Variants in TOMM20L observed in about 807,000 individuals in gnomAD.
TOMM20L encodes translocase of outer mitochondrial membrane 20 like.
Under a neutral mutation model 20.4 loss-of-function variants are expected in TOMM20L, and 19 were observed. The ratio of observed to expected loss-of-function variants is 0.93; its 90% CI spans 0.65 to 1.36. The LOEUF (loss-of-function observed/expected upper bound fraction) is 1.36, where lower values mean the gene tolerates loss of function less well. TOMM20L is among the 40% of genes most tolerant of loss of function. The pLI is 0.00. For synonymous variants in TOMM20L, 75 were observed against 79.6 expected (o/e 0.94, Z 0.30); for missense variants, 218 against 203.7 (o/e 1.07, Z -0.43).
chr14:58,408,444 G>T, intron 4 of TOMM20L, 85 bp from the exon 5 acceptor site: 58 of 1,139,412 alleles, frequency 5.1e-5, no homozygotes, highest in Non-Finnish European at 7.1e-5. Flanking sequence ...AAAAGTATAT[G>T]TAATGCCCAC....
chr14:58,395,934 G>C lies in TOMM20L; in HGVS notation c.-24G>C, dbSNP rs747745137. On this transcript the variant is annotated 5_prime_UTR_variant, in exon 1 of 5. Coordinates refer to ENST00000360945, the MANE Select transcript of TOMM20L (RefSeq NM_207377.3). ...GCCGGCCGGCCCGCGCCCAACGCTC[G>C]GCTTGTGGGACGCCCGCGGTCGGAT... is the stretch of plus-strand genomic sequence containing the variant. The C allele has an allele frequency of 3.8e-6, 5 of 1,328,100 alleles. No homozygotes were observed. Among genetic ancestry groups the C allele is most frequent in the African/African-American group, 3.1e-5 (2 of 65,302 alleles). The allele number at this position is 1,328,100 out of a possible 1,614,324, so 82.3% of individuals were successfully genotyped here.
intron 2 of TOMM20L, among the ~76,000 whole-genome samples, chr14:58,400,400 C>T (rs1594996197): frequency 8.4e-6 from 1 of 119,086 alleles, no homozygotes; most frequent in African/African-American, 3.3e-5. Context: ...CCAGCCTGGG[C>T]AACAGAGTGA....
chr14:58,396,106 G>C lies in TOMM20L; in HGVS notation c.136+13G>C. ...CGCCTGCGGGACAGTGAGTGGGACC[G>C]AGGCGGAGGCGCGGCCGGGCCGGGC... On this transcript the variant is annotated intron_variant, in intron 1 of 4. Transcript: ENST00000360945. 1 of 1,324,004 alleles carries C rather than the reference G, an allele frequency of 7.6e-7. No homozygotes were observed. Among genetic ancestry groups the C allele is most frequent in the Non-Finnish European group, 9.6e-7 (1 of 1,036,464 alleles). The allele number at this position is 1,324,004 out of a possible 1,614,324, so 82.0% of individuals were successfully genotyped here.
chr14:58,411,429 C>T (rs2036211548), downstream of TOMM20L, among the ~76,000 whole-genome samples: 1 of 147,038 alleles, frequency 6.8e-6, no homozygotes, highest in Middle Eastern at 3.6e-3. Context: ...GCCTGGCCGA[C>T]AAAGAGAGAC....
intron 3 of TOMM20L, 91 bp downstream of exon 3, chr14:58,402,852 G>A: frequency 1.0e-6 from 1 of 976,314 alleles, no homozygotes; most frequent in Non-Finnish European, 1.6e-6. Context: ...TAACTAGCTG[G>A]ATGTGTTAGC....
downstream of TOMM20L, chr14:58,411,004 T>C: frequency 9.2e-7 from 1 of 1,091,416 alleles, no homozygotes; most frequent in Non-Finnish European, 1.4e-6. Flanking sequence ...GAAACTTAAA[T>C]TACTGGTATT....
chr14:58,404,987 A>C, intron 3 of TOMM20L, among the ~76,000 whole-genome samples: 1 of 135,274 alleles, frequency 7.4e-6, no homozygotes, highest in South Asian at 2.3e-4. Context: ...TTTTTTTTTG[A>C]GATGGAGTTT....
Position 58,402,406 on chromosome 14 carries a change from G to A in TOMM20L, c.181-274G>A, listed in dbSNP as rs543571726. ...CAGGTTCAAGCAATTCTCCTGCCTC[G>A]GCCTCCTGAGTAGCTGGGATTACAG... is the stretch of plus-strand genomic sequence containing the variant. On this transcript the variant is annotated intron_variant, in intron 2 of 4. Coordinates refer to ENST00000360945, the MANE Select transcript of TOMM20L (RefSeq NM_207377.3). 1.8e-4 allele frequency among the ~76,000 whole-genome samples: 28 copies of A among 151,524 alleles called. No homozygotes were observed. In the South Asian group the frequency reaches 2.1e-3, roughly 11 times the overall value.
rs1194055218 is a variant in TOMM20L, at chr14:58,395,987, C to T, written c.30C>T (p.Leu10=). MPSVRSLLR[L]LAAAAACGAF... ...CCTCCGTCCGCTCCCTCCTCCGCCT[C>T]TTGGCCGCCGCGGCGGCCTGTGGCG... The change falls in exon 1 of 5, where the codon CTC becomes CTT. Residue 10 remains leucine, a synonymous_variant. Coordinates refer to ENST00000360945, the MANE Select transcript of TOMM20L (RefSeq NM_207377.3). 1 of 1,454,268 alleles carries T rather than the reference C, an allele frequency of 6.9e-7. No individual in the cohort carries two copies. Among genetic ancestry groups the T allele is most frequent in the South Asian group, 1.5e-5 (1 of 67,258 alleles). The allele number at this position is 1,454,268 out of a possible 1,614,324, so 90.1% of individuals were successfully genotyped here. A position where few individuals can be genotyped will look rare whatever the true frequency, so the allele number is the denominator to read the frequency against.
At position 58,404,099 on chromosome 14, in the gene TOMM20L, GTATATA is replaced by G. The variant is rs1491246989; in HGVS notation, c.262+1354_262+1359del. On this transcript the variant is annotated intron_variant, in intron 3 of 4. Coordinates refer to ENST00000360945, the MANE Select transcript of TOMM20L (RefSeq NM_207377.3). The stretch of plus-strand genomic sequence containing the variant: ...GTACAATGTATATATACATATATAT[GTATATA>G]TATATATATATATATTTTTTTTTTT... Among the ~76,000 whole-genome samples the G allele has an allele frequency of 2.6e-4, 6 of 22,928 alleles. 2 individuals are homozygous for G. The highest frequency in any genetic ancestry group is 1.9e-3 in the Admixed American group (2 of 1,064). 15.0% of individuals were successfully genotyped at this position (22,928 alleles called of 152,430 possible).
chr14:58,411,826 T>G (rs2036228608), downstream of TOMM20L: 2 of 1,348,086 alleles, frequency 1.5e-6, no homozygotes. Context: ...TGTGAGCCAC[T>G]GCACCCAGCC....
At chr14:58,396,812 G>A (rs1237990079) in intron 2 of TOMM20L, among the ~76,000 whole-genome samples, 2 of 152,126 alleles carry the variant, frequency 1.3e-5, no homozygotes, top group Non-Finnish European at 2.9e-5. Context: ...TTTAAGAGGC[G>A]GGCCGGGCTT....
At chr14:58,413,778 CG>C in the TOMM20L span, among the ~76,000 whole-genome samples, 1 of 151,790 alleles carries the variant, frequency 6.6e-6, no homozygotes, top group Admixed American at 6.6e-5. Context: ...GAGGCTGAGG[CG>C]GGCAGATTAC....
At chr14:58,405,035 C>A (rs1039443709) in intron 3 of TOMM20L, among the ~76,000 whole-genome samples, 2 of 150,752 alleles carry the variant, frequency 1.3e-5, no homozygotes, top group African/African-American at 4.9e-5. Flanking sequence ...ATGGCGCCAT[C>A]TCAGCCCATT....
chr14:58,397,080 A>G (rs1423369017), intron 2 of TOMM20L, among the ~76,000 whole-genome samples: 1 of 152,178 alleles, frequency 6.6e-6, no homozygotes, highest in East Asian at 1.9e-4. Flanking sequence ...AAAGAAAGAG[A>G]CAAGGGTGTT....
intron 3 of TOMM20L, among the ~76,000 whole-genome samples, chr14:58,404,527 T>C (rs541730562): frequency 6.6e-6 from 1 of 151,878 alleles, no homozygotes; most frequent in Non-Finnish European, 1.5e-5. Context: ...TTTTTTTTTT[T>C]AATCTGTAAG....
At chr14:58,408,358 A>G (rs998727959) in intron 4 of TOMM20L, 171 bp from the exon 5 acceptor site, 100 of 584,910 alleles carry the variant, frequency 1.7e-4, no homozygotes, top group Non-Finnish European at 2.0e-4. Flanking sequence ...TGGAGGTTGC[A>G]GTGAGCTGAG....
chr14:58,403,695 G>A (rs1052379486), intron 3 of TOMM20L, among the ~76,000 whole-genome samples: 1 of 151,790 alleles, frequency 6.6e-6, no homozygotes, highest in South Asian at 2.1e-4. Flanking sequence ...AAACTTAGCC[G>A]GGCATGGTGG....
At chr14:58,411,548 T>A (rs2036216508), downstream of TOMM20L, among the ~76,000 whole-genome samples, 1 of 150,690 alleles carries the variant, frequency 6.6e-6, no homozygotes, top group African/African-American at 2.4e-5. Context: ...CTGACATGGT[T>A]TTTTTTTTTG....
Sources: gnomAD v4.1 joint callset for allele counts (sites outside exome capture counted in the v4.1 genomes callset) on GRCh38, gnomAD v4.1.1 for gene constraint, MANE v1.5 for transcripts, NCBI Gene and HGNC (gene_info 2026-07-23, HGNC 2026-07-21) for gene names.